KAT6B: variants seen among roughly 807,000 people sequenced by gnomAD.
KAT6B encodes the protein histone acetyltransferase KAT6B.
KAT6B carries 10 observed loss-of-function variants against 187.5 expected under a neutral mutation model. The ratio of observed to expected loss-of-function variants is 0.05; its 90% CI spans 0.03 to 0.09. The LOEUF is 0.09. KAT6B is among the 10% of genes least tolerant of loss of function. KAT6B has a pLI of 1.00. For missense variants in KAT6B, 1,952 were observed against 2,558.9 expected (o/e 0.76, Z 5.12); for synonymous variants, 861 against 926.8 (o/e 0.93, Z 1.29).
intron 3 of KAT6B, among the ~76,000 whole-genome samples, chr10:74,885,705 G>A (rs1193345862): frequency 6.6e-6 from 1 of 151,998 alleles, no homozygotes; most frequent in East Asian, 1.9e-4. Context: ...AGTCCTGCTG[G>A]GGAGGCCTTG....
At position 74,942,765 on chromosome 10, in the gene KAT6B, C is replaced by CAAAAAAAAAA. The variant is rs56276008; in HGVS notation, c.622-17187_622-17178dup. Among the ~76,000 whole-genome samples, 7 of 9,364 alleles carry CAAAAAAAAAA rather than the reference C, an allele frequency of 7.5e-4. 3 individuals carry two copies. Among genetic ancestry groups the CAAAAAAAAAA allele is most frequent in the African/African-American group, 1.5e-3 (6 of 4,092 alleles). The allele number at this position is 9,364 out of a possible 152,430, so 6.1% of individuals were successfully genotyped here. On this transcript the variant is annotated intron_variant, in intron 3 of 17. Transcript: ENST00000287239. ...AGGCAACAAGAGCGAAACTCCATCG[C>CAAAAAAAAAA]AAAAAAAAAAAAAAAAAAAAAAAAA...
intron 13 of KAT6B, among the ~76,000 whole-genome samples, chr10:75,019,345 AG>A (rs1334498225): frequency 6.6e-6 from 1 of 152,214 alleles, no homozygotes; most frequent in Non-Finnish European, 1.5e-5. Context: ...ATACCCTTCG[AG>A]GGTTCAGGCT....
At chr10:75,008,978 C>T (rs1303162019) in intron 13 of KAT6B, among the ~76,000 whole-genome samples, 2 of 152,158 alleles carry the variant, frequency 1.3e-5, no homozygotes, top group Non-Finnish European at 2.9e-5. Flanking sequence ...TCCTGCAAAA[C>T]TTATACAGGA....
intron 3 of KAT6B, among the ~76,000 whole-genome samples, chr10:74,913,452 C>G (rs1048071480): frequency 2.0e-5 from 3 of 152,182 alleles, no homozygotes; most frequent in African/African-American, 7.2e-5. Context: ...TTTTCTCTCT[C>G]TCTCAAAATA....
At chr10:74,970,877 TC>T (rs1161491251) in intron 6 of KAT6B, among the ~76,000 whole-genome samples, 1 of 152,208 alleles carries the variant, frequency 6.6e-6, no homozygotes, top group Non-Finnish European at 1.5e-5. Context: ...ATTATAAGCA[TC>T]CCCTACATCA....
At chr10:74,882,373 T>C (rs1844914046) in intron 3 of KAT6B, among the ~76,000 whole-genome samples, 1 of 152,240 alleles carries the variant, frequency 6.6e-6, no homozygotes, top group Non-Finnish European at 1.5e-5. Flanking sequence ...TCTTATCTGA[T>C]ACCCTGGAAC....
At chr10:75,014,332 AAAAT>A (rs2134091508) in intron 13 of KAT6B, among the ~76,000 whole-genome samples, 1 of 152,324 alleles carries the variant, frequency 6.6e-6, no homozygotes, top group East Asian at 1.9e-4. Flanking sequence ...AAGAAAGAAC[AAAAT>A]AAAGAGAGAA....
chr10:74,964,063 G>A (rs779387564), intron 4 of KAT6B, among the ~76,000 whole-genome samples: 20 of 152,168 alleles, frequency 1.3e-4, no homozygotes, highest in Non-Finnish European at 2.1e-4. Context: ...GCCGGGAGGC[G>A]GAGGTTGAGG....
intron 7 of KAT6B, among the ~76,000 whole-genome samples, chr10:74,975,006 A>G (rs1842065315): frequency 6.6e-6 from 1 of 152,258 alleles, no homozygotes; most frequent in Non-Finnish European, 1.5e-5. Flanking sequence ...TGGATAACAC[A>G]TATGACTTAT....
chr10:74,834,714 CTTG>C (rs150813045), intron 1 of KAT6B, among the ~76,000 whole-genome samples: 5,172 of 152,074 alleles, frequency 0.034, 289 homozygotes, highest in African/African-American at 0.12. Context: ...GAGGTAGGGT[CTTG>C]TTGTGTTGCC....
At chr10:74,831,998 T>G (rs1282378134) in intron 1 of KAT6B, among the ~76,000 whole-genome samples, 1 of 152,224 alleles carries the variant, frequency 6.6e-6, no homozygotes, top group Admixed American at 6.5e-5. Flanking sequence ...AAGAATAACT[T>G]TCTTACTCTT....
rs386371842 is a variant in KAT6B, at chr10:74,934,186, C to CAAAAAAAAAAA, written c.622-25775_622-25765dup. On this transcript the variant is annotated intron_variant, in intron 3 of 17. Coordinates refer to ENST00000287239, the MANE Select transcript of KAT6B (RefSeq NM_012330.4). ...GGGCAACAGGGCAAGACTCCGTCTC[C>CAAAAAAAAAAA]AAAAAAAAAAAAAAAAAAAGCCTAC... 4.3e-5 allele frequency among the ~76,000 whole-genome samples: 3 copies of CAAAAAAAAAAA among 69,392 alleles called. 1 individual carries two copies. Among genetic ancestry groups the CAAAAAAAAAAA allele is most frequent in the African/African-American group, 1.3e-4 (3 of 22,448 alleles). 45.5% of individuals were successfully genotyped at this position (69,392 alleles called of 152,430 possible). A position where few individuals can be genotyped will look rare whatever the true frequency, so the allele number is the denominator to read the frequency against.
intron 11 of KAT6B, 142 bp from the exon 12 acceptor site, chr10:74,984,938 C>G: frequency 1.3e-6 from 1 of 767,972 alleles, no homozygotes; most frequent in Non-Finnish European, 2.2e-6. Context: ...TAAAGCTGTA[C>G]TTGCTTAATA....
intron 3 of KAT6B, among the ~76,000 whole-genome samples, chr10:74,862,278 G>T (rs1417099455): frequency 1.3e-5 from 2 of 152,148 alleles, no homozygotes; most frequent in African/African-American, 2.4e-5. Flanking sequence ...TAAGGCTAAG[G>T]TTCAAGGAGC....
At chr10:74,991,121 T>C (rs1843103325) in intron 13 of KAT6B, among the ~76,000 whole-genome samples, 1 of 152,204 alleles carries the variant, frequency 6.6e-6, no homozygotes, top group Non-Finnish European at 1.5e-5. Flanking sequence ...TCTTATACCA[T>C]ATTCTATATG....
At chr10:74,930,850 T>C (rs1023242130) in intron 3 of KAT6B, among the ~76,000 whole-genome samples, 1 of 152,346 alleles carries the variant, frequency 6.6e-6, no homozygotes, top group Non-Finnish European at 1.5e-5. Flanking sequence ...TTCTTCTAGA[T>C]TGTAATTTCC....
At chr10:74,937,254 A>C (rs1849338702) in intron 3 of KAT6B, among the ~76,000 whole-genome samples, 1 of 152,208 alleles carries the variant, frequency 6.6e-6, no homozygotes, top group South Asian at 2.1e-4. Context: ...GCTGGAATTC[A>C]TATTGTAACC....
chr10:74,863,597 G>A (rs879829122), intron 3 of KAT6B, among the ~76,000 whole-genome samples: 1 of 152,174 alleles, frequency 6.6e-6, no homozygotes, highest in Non-Finnish European at 1.5e-5. Context: ...GGGAGTGTGG[G>A]CATCTAATTG....
chr10:74,972,725 T>G lies in KAT6B; in HGVS notation c.1061+86T>G, dbSNP rs959172274. ...TTATTCTCTCAGATTCCTTTAGGGG[T>G]TTTTTGGCATCATTTTTTCAAACTC... is the stretch of plus-strand genomic sequence containing the variant. On this transcript the variant is annotated intron_variant, in intron 7 of 17. Transcript: ENST00000287239. 24 of 1,250,670 alleles carry G rather than the reference T, an allele frequency of 1.9e-5. No individual in the cohort carries two copies. The Admixed American group carries it at 3.1e-4, about 16-fold the overall frequency. The allele number at this position is 1,250,670 out of a possible 1,614,324, so 77.5% of individuals were successfully genotyped here.
Sources: allele counts gnomAD v4.1 joint callset (sites outside exome capture counted in the v4.1 genomes callset), GRCh38; gene constraint gnomAD v4.1.1; transcripts MANE v1.5; gene names NCBI Gene and HGNC (gene_info 2026-07-23, HGNC 2026-07-21).